LAYN: variants seen among roughly 807,000 people sequenced by gnomAD.
LAYN encodes layilin.
Under a neutral mutation model 43.6 loss-of-function variants are expected in LAYN, and 38 were observed. The observed-to-expected ratio is 0.87, with a 90% CI of 0.67 to 1.14. The LOEUF (loss-of-function observed/expected upper bound fraction) is 1.14, where lower values mean the gene tolerates loss of function less well. Ranked by LOEUF, LAYN falls within the 50% of genes most tolerant of loss-of-function variation. LAYN has a pLI of 0.00. For missense variants in LAYN, 479 were observed against 463.8 expected (o/e 1.03, Z -0.30); for synonymous variants, 168 against 172.9 (o/e 0.97, Z 0.22).
Position 111,549,794 on chromosome 11 carries a change from A to G in LAYN, c.541+19A>G. The G allele has an allele frequency of 6.3e-7, 1 of 1,592,278 alleles. No homozygotes were observed. Among genetic ancestry groups the G allele is most frequent in the Non-Finnish European group, 8.5e-7 (1 of 1,172,074 alleles). ...TCTGATGGTAATGAATCCTCTCCCA[A>G]GCTATGCGGCTGAATTCTCAACTTC... On this transcript the variant is annotated intron_variant, in intron 3 of 6. Coordinates refer to ENST00000375614, the MANE Select transcript of LAYN (RefSeq NM_178834.5).
At chr11:111,545,074 A>ATATATT (rs1170875315) in intron 2 of LAYN, among the ~76,000 whole-genome samples, 3 of 148,390 alleles carry the variant, frequency 2.0e-5, no homozygotes, top group African/African-American at 7.6e-5. Flanking sequence ...ATATATATAT[A>ATATATT]TTTTTTACCT....
intron 2 of LAYN, among the ~76,000 whole-genome samples, chr11:111,549,394 G>T (rs1867700159): frequency 6.6e-6 from 1 of 152,200 alleles, no homozygotes; most frequent in African/African-American, 2.4e-5. Context: ...GTTCCTCCCT[G>T]CAAAGAGATT....
chr11:111,542,376 C>G (rs1867562934), intron 1 of LAYN, among the ~76,000 whole-genome samples: 1 of 152,198 alleles, frequency 6.6e-6, no homozygotes, highest in East Asian at 1.9e-4. Flanking sequence ...AGATGTGGAA[C>G]TCTTATAACT....
rs546543057 is a variant in LAYN at position 111,551,102 on chromosome 11, A to C, written c.541+1327A>C. Among the ~76,000 whole-genome samples the C allele has an allele frequency of 2.0e-5, 3 of 152,314 alleles. No individual in the cohort carries two copies. In the South Asian group the frequency reaches 6.2e-4, roughly 32 times the overall value. ...GTAAAATATCCAGGGACTAGCTACA[A>C]TGGGGAACTGTTATGTCCAGGCCTG... is the stretch of plus-strand genomic sequence containing the variant. On this transcript the variant is annotated intron_variant, in intron 3 of 6. Transcript: ENST00000375614.
chr11:111,554,821 G>T (rs1440575780), intron 4 of LAYN, among the ~76,000 whole-genome samples: 1 of 151,952 alleles, frequency 6.6e-6, no homozygotes, highest in East Asian at 1.9e-4. Flanking sequence ...ATTTTGTTTG[G>T]GGTGTTACTT....
chr11:111,557,914 G>A (rs972029417), intron 6 of LAYN, among the ~76,000 whole-genome samples: 9 of 152,246 alleles, frequency 5.9e-5, no homozygotes, highest in South Asian at 2.1e-4. Flanking sequence ...TTCACCTCCC[G>A]TGCACTCACA....
intron 1 of LAYN, 139 bp downstream of exon 1, chr11:111,541,067 GTC>G (rs1253939115): frequency 7.7e-6 from 6 of 781,836 alleles, no homozygotes; most frequent in Non-Finnish European, 1.2e-5. Flanking sequence ...GCCCTTCGGA[GTC>G]TCTTGCGTTC....
chr11:111,554,819 TG>T (rs968480435), intron 4 of LAYN, among the ~76,000 whole-genome samples: 83 of 152,338 alleles, frequency 5.4e-4, no homozygotes, highest in African/African-American at 1.9e-3. Context: ...AAATTTTGTT[TG>T]GGGTGTTACT....
intron 3 of LAYN, among the ~76,000 whole-genome samples, chr11:111,553,635 A>AC (rs71303203): frequency 6.6e-6 from 1 of 150,570 alleles, no homozygotes; most frequent in African/African-American, 2.5e-5. Context: ...AAAAAAAAAA[A>AC]CAACACTTAG....
At chr11:111,542,152 C>A (rs1251977589) in intron 1 of LAYN, among the ~76,000 whole-genome samples, 2 of 152,224 alleles carry the variant, frequency 1.3e-5, no homozygotes, top group African/African-American at 4.8e-5. Flanking sequence ...GCTCATTTGC[C>A]CCTCCTCTGC....
chr11:111,559,765 T>C (rs991613646), intron 6 of LAYN, among the ~76,000 whole-genome samples: 1 of 151,920 alleles, frequency 6.6e-6, no homozygotes, highest in African/African-American at 2.4e-5. Flanking sequence ...AGCTGAGGTG[T>C]TTTTTTGTTT....
intron 2 of LAYN, among the ~76,000 whole-genome samples, chr11:111,547,535 T>C (rs774745391): frequency 6.6e-6 from 1 of 152,244 alleles, no homozygotes; most frequent in Non-Finnish European, 1.5e-5. Flanking sequence ...TTTCAGATTA[T>C]CTTTCTGATA....
rs754467108 is a variant in LAYN at position 111,544,116 on chromosome 11, T to A, written c.279T>A (p.Asp93Glu). The change falls in exon 2 of 7, where the codon GAT becomes GAA. Residue 93 changes from aspartate (D) to glutamate (E), a missense_variant. Asp to Glu is a conservative substitution (Grantham distance 45, BLOSUM62 2). Transcript: ENST00000375614. The part of the protein sequence containing the change: ...EKFIENLLPS[D>E]GDFWIGLRRR... Reference sequence around the variant, plus strand: ...TCATTGAAAACCTCTTGCCATCTGATGGTGACTTCTGGATTGGGCTCAGGA... The same window carrying A: ...TCATTGAAAACCTCTTGCCATCTGAAGGTGACTTCTGGATTGGGCTCAGGA... 1.7e-5 allele frequency: 28 copies of A among 1,614,070 alleles called. No individual in the cohort carries two copies. Among genetic ancestry groups the A allele is most frequent in the Non-Finnish European group, 2.3e-5 (27 of 1,180,038 alleles).
chr11:111,543,469 G>A (rs950427291), intron 1 of LAYN, among the ~76,000 whole-genome samples: 2 of 152,142 alleles, frequency 1.3e-5, no homozygotes, highest in African/African-American at 4.8e-5. Context: ...CTGCTGCACA[G>A]GCAGAGGGTT....
At chr11:111,541,632 G>T (rs536305133) in intron 1 of LAYN, 23 of 1,509,502 alleles carry the variant, frequency 1.5e-5, no homozygotes, top group Middle Eastern at 1.7e-4. Context: ...CTGCATGTCG[G>T]GGGGAGAACA....
chr11:111,545,357 G>A (rs941714311), intron 2 of LAYN, among the ~76,000 whole-genome samples: 5 of 152,122 alleles, frequency 3.3e-5, no homozygotes, highest in South Asian at 2.1e-4. Context: ...GGTTGACCTT[G>A]TGGCATGATC....
intron 2 of LAYN, among the ~76,000 whole-genome samples, chr11:111,547,299 C>T (rs1867665320): frequency 6.6e-6 from 1 of 152,178 alleles, no homozygotes. Context: ...ATCTCCAACC[C>T]TCTGGAGTAC....
At chr11:111,547,443 T>C (rs982479733) in intron 2 of LAYN, among the ~76,000 whole-genome samples, 1 of 152,232 alleles carries the variant, frequency 6.6e-6, no homozygotes, top group Non-Finnish European at 1.5e-5. Flanking sequence ...CTTTACACCA[T>C]ATTATGACAG....
chr11:111,552,012 G>GTA (rs1367163464), intron 3 of LAYN, among the ~76,000 whole-genome samples: 1,911 of 149,524 alleles, frequency 0.013, 42 homozygotes, highest in African/African-American at 0.043. Context: ...GTATGTGTGT[G>GTA]TGTATATATA....
Sources: allele counts gnomAD v4.1 joint callset (sites outside exome capture counted in the v4.1 genomes callset), GRCh38; gene constraint gnomAD v4.1.1; transcripts MANE v1.5; gene names NCBI Gene and HGNC (gene_info 2026-07-23, HGNC 2026-07-21).